The following GALNT1 variants were observed in gnomAD, a reference collection of about 807,000 sequenced individuals.
GALNT1 encodes GalNAc transferase 1.
In GALNT1, 17 loss-of-function variants were observed where a neutral mutation model predicts 65.7. That is an observed-to-expected ratio of 0.26 (90% confidence interval 0.18 to 0.39). The LOEUF is 0.39. Among genes scored for constraint, GALNT1 ranks in the 10% least tolerant of loss-of-function variants. GALNT1 has a pLI of 1.00. For missense variants in GALNT1, 460 were observed against 672.8 expected (o/e 0.68, Z 3.50); for synonymous variants, 210 against 219.7 (o/e 0.96, Z 0.39).
chr18:35,636,329 AAC>A (rs1469462539), intron 1 of GALNT1, among the ~76,000 whole-genome samples: 2 of 152,202 alleles, frequency 1.3e-5, no homozygotes, highest in Non-Finnish European at 2.9e-5. Context: ...GTCCTGCAAT[AAC>A]AGTGTTCTTT....
At chr18:35,622,150 AT>A (rs1240140541) in intron 1 of GALNT1, among the ~76,000 whole-genome samples, 5 of 152,066 alleles carry the variant, frequency 3.3e-5, no homozygotes, top group African/African-American at 1.2e-4. Flanking sequence ...TATAAAGATA[AT>A]TTTTTTCTTT....
chr18:35,588,646 C>T (rs1031662119), intron 1 of GALNT1, among the ~76,000 whole-genome samples: 4 of 152,078 alleles, frequency 2.6e-5, no homozygotes, highest in Non-Finnish European at 5.9e-5. Context: ...CTCTCTTATT[C>T]ATATTGGGCT....
intron 1 of GALNT1, among the ~76,000 whole-genome samples, chr18:35,613,457 A>G (rs560496491): frequency 6.6e-6 from 1 of 152,320 alleles, no homozygotes; most frequent in East Asian, 1.9e-4. Context: ...GAGGTAAGGA[A>G]ACTTTCCAGA....
chr18:35,614,246 G>T (rs1336940890), intron 1 of GALNT1, among the ~76,000 whole-genome samples: 3 of 152,032 alleles, frequency 2.0e-5, no homozygotes, highest in African/African-American at 4.8e-5. Context: ...AGGAAATACT[G>T]GATATTGAAC....
intron 3 of GALNT1, 123 bp downstream of exon 3, chr18:35,663,925 C>T: frequency 3.7e-6 from 3 of 804,424 alleles, no homozygotes; most frequent in South Asian, 3.4e-5. Context: ...TACTACTTAC[C>T]CCACTTAGAA....
At chr18:35,657,200 A>G (rs751021188) in intron 2 of GALNT1, among the ~76,000 whole-genome samples, 6 of 152,206 alleles carry the variant, frequency 3.9e-5, no homozygotes, top group African/African-American at 1.2e-4. Flanking sequence ...AATTCAAGCA[A>G]TTCTCCTGCC....
chr18:35,705,013 G>C (rs2048233058), intron 11 of GALNT1, among the ~76,000 whole-genome samples: 1 of 152,154 alleles, frequency 6.6e-6, no homozygotes, highest in African/African-American at 2.4e-5. Context: ...TCTTCTCTTA[G>C]TTTGCTCTCT....
At position 35,656,736 on chromosome 18, in the gene GALNT1, C is replaced by A. The variant is rs77122603; in HGVS notation, c.139+1935C>A. On this transcript the variant is annotated intron_variant, in intron 2 of 11. Transcript: ENST00000269195. The stretch of plus-strand genomic sequence containing the variant: ...TTTAAACAAGGGAGTAAGGCCTGAT[C>A]GGACCTGGACTTCTGGAAGAATGCT... 9.3e-3 allele frequency among the ~76,000 whole-genome samples: 1,418 copies of A among 152,288 alleles called. 22 individuals are homozygous for A. Among genetic ancestry groups the A allele is most frequent in the African/African-American group, 0.032 (1,350 of 41,562 alleles).
chr18:35,600,631 A>G (rs2046570021), intron 1 of GALNT1, among the ~76,000 whole-genome samples: 1 of 152,120 alleles, frequency 6.6e-6, no homozygotes, highest in African/African-American at 2.4e-5. Context: ...GTTTTTTCCC[A>G]TTCAGTACAA....
Position 35,683,380 on chromosome 18 carries a change from T to C in GALNT1, c.482-11T>C. ...CACTGGTTTGCATGTTTTCTTTTGT[T>C]CATTTTCCAGACTTTTTGAAAAGGC... On this transcript the variant is annotated splice_polypyrimidine_tract_variant and intron_variant, in intron 4 of 11. Transcript: ENST00000269195. The C allele has an allele frequency of 6.2e-7, 1 of 1,608,410 alleles. No homozygotes were observed. Among genetic ancestry groups the C allele is most frequent in the Non-Finnish European group, 8.5e-7 (1 of 1,176,332 alleles).
intron 1 of GALNT1, among the ~76,000 whole-genome samples, chr18:35,629,803 T>G (rs2046978922): frequency 6.6e-6 from 1 of 152,174 alleles, no homozygotes; most frequent in South Asian, 2.1e-4. Flanking sequence ...TGTGTTGTAT[T>G]CAGGAAACCC....
intron 1 of GALNT1, among the ~76,000 whole-genome samples, chr18:35,591,044 A>G (rs1041837265): frequency 2.0e-5 from 3 of 152,224 alleles, no homozygotes; most frequent in Non-Finnish European, 4.4e-5. Flanking sequence ...TAAGGGTAAC[A>G]TGGTCTCTGA....
intron 6 of GALNT1, among the ~76,000 whole-genome samples, chr18:35,688,730 T>TA (rs2144642574): frequency 6.6e-6 from 1 of 152,330 alleles, no homozygotes; most frequent in African/African-American, 2.4e-5. Flanking sequence ...GAACATGGCA[T>TA]GGTAACTCTA....
intron 11 of GALNT1, among the ~76,000 whole-genome samples, chr18:35,705,754 CA>C (rs1386281563): frequency 1.3e-5 from 2 of 152,162 alleles, no homozygotes; most frequent in Non-Finnish European, 2.9e-5. Flanking sequence ...ATAGCTAAAA[CA>C]AATAGGGATT....
At chr18:35,702,752 A>T in intron 9 of GALNT1, 145 bp from the exon 10 acceptor site, 2 of 449,170 alleles carry the variant, frequency 4.5e-6, no homozygotes, top group East Asian at 6.6e-5. Context: ...TGAATTTTAG[A>T]TACTCAGACA....
At position 35,613,362 on chromosome 18, in the gene GALNT1, A is replaced by G. The variant is rs997825246; in HGVS notation, c.-104+31500A>G. Among the ~76,000 whole-genome samples, 3 of 152,008 alleles carry G rather than the reference A, an allele frequency of 2.0e-5. No individual in the cohort carries two copies. In the South Asian group the frequency reaches 6.2e-4, roughly 32 times the overall value. ...CTGGCAGCGTGGCAGAGTAGAGGTT[A>G]AAAAAAAGGTCCCACATTATGAAAT... On this transcript the variant is annotated intron_variant, in intron 1 of 11. Transcript: ENST00000269195.
intron 5 of GALNT1, among the ~76,000 whole-genome samples, chr18:35,686,105 A>G (rs988794502): frequency 6.6e-6 from 1 of 152,194 alleles, no homozygotes; most frequent in South Asian, 2.1e-4. Context: ...CACACCAACA[A>G]GGAATACTTA....
At chr18:35,581,674 GGCGGGGGCGGGCGCGGCGGA>G (rs1271234745), upstream of GALNT1, 4 of 18,968 alleles carry the variant, frequency 2.1e-4, no homozygotes, top group South Asian at 6.8e-3. Flanking sequence ...CGGGCGCGGA[GGCGGGGGCGGGCGCGGCGGA>G]GCGGGGCCCG....
At chr18:35,653,752 C>T (rs1010813617) in intron 1 of GALNT1, among the ~76,000 whole-genome samples, 2 of 152,124 alleles carry the variant, frequency 1.3e-5, no homozygotes, top group African/African-American at 4.8e-5. Context: ...GGTAACCATT[C>T]CTCTAGTCAT....
Sources: gnomAD v4.1 joint callset for allele counts (sites outside exome capture counted in the v4.1 genomes callset) on GRCh38, gnomAD v4.1.1 for gene constraint, MANE v1.5 for transcripts, NCBI Gene and HGNC (gene_info 2026-07-23, HGNC 2026-07-21) for gene names.